RYR2: variants seen among roughly 807,000 people sequenced by gnomAD.
RYR2 encodes the protein ryanodine receptor 2.
Under a neutral mutation model 601.1 loss-of-function variants are expected in RYR2, and 227 were observed. That is an observed-to-expected ratio of 0.38 (90% confidence interval 0.34 to 0.42). The LOEUF (loss-of-function observed/expected upper bound fraction) is 0.42, where lower values mean the gene tolerates loss of function less well. Ranked by LOEUF, RYR2 falls within the 10% of genes least tolerant of loss-of-function variation. The pLI, the probability that RYR2 is intolerant of heterozygous loss-of-function variation, is 1.00. For missense variants in RYR2, 4,646 were observed against 6,156.5 expected (o/e 0.75, Z 8.21); for synonymous variants, 2,223 against 2,175.1 (o/e 1.02, Z -0.61).
chr1:237,527,567 G>A (rs1667719963), intron 24 of RYR2, among the ~76,000 whole-genome samples: 1 of 152,030 alleles, frequency 6.6e-6, no homozygotes, highest in Non-Finnish European at 1.5e-5. Flanking sequence ...ACAGACCCAC[G>A]ATCTCCTGCT....
chr1:237,534,238 A>G (rs964548122), intron 25 of RYR2, among the ~76,000 whole-genome samples: 4 of 152,048 alleles, frequency 2.6e-5, no homozygotes, highest in Admixed American at 6.6e-5. Flanking sequence ...AAAGAAGGCC[A>G]CTATATGGAG....
At chr1:237,591,894 C>T (rs752581305) in intron 32 of RYR2, 41 bp downstream of exon 32, 2 of 1,411,426 alleles carry the variant, frequency 1.4e-6, no homozygotes, top group Non-Finnish European at 2.0e-6. Flanking sequence ...CTATCTGTCA[C>T]TCATTATGTT....
intron 66 of RYR2, among the ~76,000 whole-genome samples, chr1:237,704,810 T>C (rs996325367): frequency 6.6e-6 from 1 of 152,096 alleles, no homozygotes; most frequent in African/African-American, 2.4e-5. Context: ...AGTGGAACTT[T>C]TTCTAAAATA....
intron 17 of RYR2, among the ~76,000 whole-genome samples, chr1:237,487,890 C>T (rs1382660431): frequency 6.6e-6 from 1 of 151,830 alleles, no homozygotes; most frequent in African/African-American, 2.4e-5. Context: ...CAATGTTTTT[C>T]AACTATTTAT....
intron 35 of RYR2, among the ~76,000 whole-genome samples, chr1:237,609,162 C>T (rs2148559201): frequency 8.6e-6 from 1 of 116,680 alleles, no homozygotes; most frequent in East Asian, 2.4e-4. Flanking sequence ...TTCTCTTTCT[C>T]TCTCCTTCCC....
chr1:237,782,853 G>A (rs1042515576), intron 89 of RYR2, among the ~76,000 whole-genome samples: 1 of 152,144 alleles, frequency 6.6e-6, no homozygotes, highest in Admixed American at 6.5e-5. Context: ...CCAGGTTGCT[G>A]AGCACATTAA....
intron 2 of RYR2, among the ~76,000 whole-genome samples, chr1:237,312,102 A>T (rs1352853589): frequency 6.6e-6 from 1 of 152,196 alleles, no homozygotes; most frequent in African/African-American, 2.4e-5. Context: ...ACATAGAGAC[A>T]ATAGATTGTC....
chr1:237,654,025 A>G (rs756780829), intron 51 of RYR2, among the ~76,000 whole-genome samples: 12 of 152,188 alleles, frequency 7.9e-5, no homozygotes, highest in Non-Finnish European at 1.5e-4. Context: ...CTCCTTTGGC[A>G]ACCCCCTCAC....
At chr1:237,540,580 G>A (rs948089003) in intron 25 of RYR2, among the ~76,000 whole-genome samples, 3 of 152,068 alleles carry the variant, frequency 2.0e-5, no homozygotes, top group African/African-American at 7.2e-5. Context: ...GGTGGCAGGT[G>A]CCTGTAATCC....
chr1:237,663,266 C>T lies in RYR2; in HGVS notation c.8436+2319C>T, dbSNP rs556477517. On this transcript the variant is annotated intron_variant, in intron 56 of 104. Coordinates refer to ENST00000366574, the MANE Select transcript of RYR2 (RefSeq NM_001035.3). ...TGACTGTCATCTTGTTAAACCTCTT[C>T]GTCTTTTTTTATGTTACTGATTTCC... Among the ~76,000 whole-genome samples the T allele has an allele frequency of 8.5e-5, 13 of 152,260 alleles. No individual in the cohort carries two copies. In the South Asian group the frequency reaches 2.3e-3, roughly 27 times the overall value.
chr1:237,289,462 T>C (rs1691974173), intron 2 of RYR2, among the ~76,000 whole-genome samples: 1 of 152,160 alleles, frequency 6.6e-6, no homozygotes, highest in African/African-American at 2.4e-5. Context: ...CTTAGAATCA[T>C]AGCAGAAGGG....
chr1:237,364,792 A>G (rs1455801221), intron 5 of RYR2, among the ~76,000 whole-genome samples: 1 of 152,166 alleles, frequency 6.6e-6, no homozygotes, highest in African/African-American at 2.4e-5. Flanking sequence ...TCTGGGGATT[A>G]TGTTGACTTT....
chr1:237,600,853 C>T (rs985933413), intron 34 of RYR2, among the ~76,000 whole-genome samples: 4 of 152,192 alleles, frequency 2.6e-5, no homozygotes, highest in Non-Finnish European at 4.4e-5. Context: ...TGCTCAACAT[C>T]ACTAATCATC....
intron 1 of RYR2, among the ~76,000 whole-genome samples, chr1:237,164,837 C>G (rs1446919265): frequency 6.6e-6 from 1 of 152,126 alleles, no homozygotes; most frequent in Non-Finnish European, 1.5e-5. Context: ...TTTACTGGGG[C>G]TTTGTCTAGC....
At chr1:237,121,063 T>C (rs1670721779) in intron 1 of RYR2, 1 of 152,190 alleles carries the variant, frequency 6.6e-6, no homozygotes, top group Admixed American at 6.6e-5. Flanking sequence ...CACATGTGTG[T>C]GTGTGTACAT....
At chr1:237,414,108 C>A (rs183128524) in intron 10 of RYR2, among the ~76,000 whole-genome samples, 6 of 152,108 alleles carry the variant, frequency 3.9e-5, no homozygotes, top group Non-Finnish European at 8.8e-5. Flanking sequence ...TCTTTGTGGT[C>A]AAGTAAAAGA....
At position 237,414,249 on chromosome 1, in the gene RYR2, T is replaced by A. The variant is rs150301164; in HGVS notation, c.774-2800T>A. ...GTCATTCAGTCTTACTTAATCAGTC[T>A]GAGTGTTATCTGTACATTGGACTTT... On this transcript the variant is annotated intron_variant, in intron 10 of 104. Coordinates refer to ENST00000366574, the MANE Select transcript of RYR2 (RefSeq NM_001035.3). Among the ~76,000 whole-genome samples, 69 of 152,342 alleles carry A rather than the reference T, an allele frequency of 4.5e-4. 1 individual carries two copies. Among genetic ancestry groups the A allele is most frequent in the African/African-American group, 1.6e-3 (66 of 41,582 alleles).
chr1:237,477,639 A>C (rs773267828), intron 17 of RYR2, among the ~76,000 whole-genome samples: 1 of 152,140 alleles, frequency 6.6e-6, no homozygotes, highest in African/African-American at 2.4e-5. Flanking sequence ...AAGTAATTGC[A>C]TTGTGTCACT....
intron 84 of RYR2, among the ~76,000 whole-genome samples, chr1:237,769,196 G>A (rs1013950355): frequency 3.3e-5 from 5 of 152,082 alleles, no homozygotes; most frequent in African/African-American, 1.2e-4. Flanking sequence ...ATAAGCCTAT[G>A]TAATGAACTC....
Sources: allele counts gnomAD v4.1 joint callset (sites outside exome capture counted in the v4.1 genomes callset), GRCh38; gene constraint gnomAD v4.1.1; transcripts MANE v1.5; gene names NCBI Gene and HGNC (gene_info 2026-07-23, HGNC 2026-07-21).